The following GRID1 variants were observed in gnomAD, a reference collection of about 807,000 sequenced individuals.
The protein encoded by GRID1 is glutamate receptor ionotropic, delta-1.
Under a neutral mutation model 98.0 loss-of-function variants are expected in GRID1, and 28 were observed. That is an observed-to-expected ratio of 0.29 (90% CI 0.21 to 0.39). The LOEUF (loss-of-function observed/expected upper bound fraction) is 0.39, where lower values mean the gene tolerates loss of function less well. GRID1 is among the 10% of genes least tolerant of loss of function. The pLI is 1.00. For missense variants in GRID1, 1,111 were observed against 1,340.5 expected (o/e 0.83, Z 2.67); for synonymous variants, 553 against 538.5 (o/e 1.03, Z -0.37).
intron 2 of GRID1, among the ~76,000 whole-genome samples, chr10:86,223,464 A>G (rs1846291094): frequency 6.6e-6 from 1 of 152,212 alleles, no homozygotes; most frequent in African/African-American, 2.4e-5. Flanking sequence ...CATGGCCCCC[A>G]GCACATGCAC....
chr10:85,636,171 G>A (rs968046900), intron 13 of GRID1, among the ~76,000 whole-genome samples: 1 of 152,168 alleles, frequency 6.6e-6, no homozygotes, highest in African/African-American at 2.4e-5. Context: ...CCCAGTGGAG[G>A]AAAGGAAGAC....
chr10:86,072,784 T>G (rs867918730), intron 4 of GRID1, among the ~76,000 whole-genome samples: 7 of 152,212 alleles, frequency 4.6e-5, no homozygotes, highest in Middle Eastern at 3.2e-3. Flanking sequence ...CCTTTGCTAG[T>G]GTACAAAAAC....
At chr10:86,012,432 C>T (rs1425197935) in intron 4 of GRID1, among the ~76,000 whole-genome samples, 1 of 152,178 alleles carries the variant, frequency 6.6e-6, no homozygotes, top group East Asian at 1.9e-4. Flanking sequence ...ATGGAGAGAG[C>T]TGGCAGAGGT....
intron 2 of GRID1, among the ~76,000 whole-genome samples, chr10:86,256,347 C>G (rs1232536489): frequency 6.6e-6 from 1 of 152,176 alleles, no homozygotes; most frequent in Non-Finnish European, 1.5e-5. Context: ...CACCTGTAAT[C>G]CCAGCATTTC....
At chr10:86,228,714 T>A (rs1207448315) in intron 2 of GRID1, among the ~76,000 whole-genome samples, 1 of 146,042 alleles carries the variant, frequency 6.8e-6, no homozygotes, top group Non-Finnish European at 1.6e-5. Context: ...CAGCAGAGCT[T>A]GGAGACACCA....
At chr10:86,094,042 T>C (rs1844185154) in intron 4 of GRID1, among the ~76,000 whole-genome samples, 1 of 152,204 alleles carries the variant, frequency 6.6e-6, no homozygotes, top group Admixed American at 6.5e-5. Context: ...TGGTTTAACA[T>C]ATGCAAGTCA....
In GRID1 at chr10:85,610,351, G is replaced by T. The variant is rs545995186; in HGVS notation, c.2601+3056C>A. Among the ~76,000 whole-genome samples the T allele has an allele frequency of 9.9e-5, 15 of 152,204 alleles. 1 individual carries two copies. The South Asian group carries it at 2.9e-3, about 30-fold the overall frequency. Reference sequence around the variant, plus strand: ...CTGGCATTTAAGTCCTTCGGAGCAGGCCCCGTATCCTTCCCCAGCCTCCCC... The same window carrying T: ...CTGGCATTTAAGTCCTTCGGAGCAGTCCCCGTATCCTTCCCCAGCCTCCCC... On this transcript the variant is annotated intron_variant, in intron 15 of 15. Coordinates refer to ENST00000327946, the MANE Select transcript of GRID1 (RefSeq NM_017551.3).
chr10:86,304,088 C>G (rs1241669096), intron 2 of GRID1, among the ~76,000 whole-genome samples: 1 of 152,218 alleles, frequency 6.6e-6, no homozygotes, highest in East Asian at 1.9e-4. Flanking sequence ...GCTCTTACCC[C>G]ACTCAGAGGA....
At chr10:85,786,638 A>C (rs996792492) in intron 8 of GRID1, among the ~76,000 whole-genome samples, 9 of 152,208 alleles carry the variant, frequency 5.9e-5, no homozygotes, top group Non-Finnish European at 8.8e-5. Context: ...CAATCTCAGT[A>C]GTGCACATCC....
chr10:86,306,110 G>T (rs376656736), intron 2 of GRID1, among the ~76,000 whole-genome samples: 7 of 152,318 alleles, frequency 4.6e-5, no homozygotes, highest in African/African-American at 1.7e-4. Context: ...AGGAGGAAAA[G>T]CCTTCAGGGA....
chr10:85,673,243 G>C (rs1033183037), intron 12 of GRID1, among the ~76,000 whole-genome samples: 4 of 152,218 alleles, frequency 2.6e-5, no homozygotes, highest in African/African-American at 7.2e-5. Context: ...GATGAGCAAA[G>C]AAAGTGGCTT....
intron 6 of GRID1, among the ~76,000 whole-genome samples, chr10:85,864,475 G>T (rs187948076): frequency 6.6e-6 from 1 of 152,388 alleles, no homozygotes; most frequent in Non-Finnish European, 1.5e-5. Flanking sequence ...GCAGCCAGTT[G>T]CAGCCAAGGA....
At chr10:86,262,198 C>T (rs1483405671) in intron 2 of GRID1, among the ~76,000 whole-genome samples, 2 of 152,224 alleles carry the variant, frequency 1.3e-5, no homozygotes, top group African/African-American at 4.8e-5. Flanking sequence ...CCTCAGCAGC[C>T]TCTCGGAGCT....
chr10:86,091,521 C>T (rs573120701), intron 4 of GRID1, among the ~76,000 whole-genome samples: 53 of 152,144 alleles, frequency 3.5e-4, no homozygotes, highest in Non-Finnish European at 6.3e-4. Flanking sequence ...CGCCTAGCCC[C>T]GCCCCCACCT....
chr10:85,978,877 A>G, intron 4 of GRID1, among the ~76,000 whole-genome samples: 1 of 152,154 alleles, frequency 6.6e-6, no homozygotes, highest in East Asian at 1.9e-4. Flanking sequence ...GCTTACAGTA[A>G]CCCTCCAGAG....
intron 2 of GRID1, among the ~76,000 whole-genome samples, chr10:86,227,452 T>C (rs1325614850): frequency 6.6e-6 from 1 of 152,176 alleles, no homozygotes; most frequent in East Asian, 1.9e-4. Context: ...CCTTGCCTCT[T>C]GGGCTAACTG....
chr10:86,322,148 T>C (rs905667486), intron 2 of GRID1, among the ~76,000 whole-genome samples: 1 of 152,172 alleles, frequency 6.6e-6, no homozygotes, highest in South Asian at 2.1e-4. Context: ...AATAGCAGCA[T>C]GGAACAGATG....
intron 4 of GRID1, among the ~76,000 whole-genome samples, chr10:85,966,912 T>C (rs986790502): frequency 9.2e-5 from 14 of 152,204 alleles, no homozygotes; most frequent in African/African-American, 3.1e-4. Flanking sequence ...ATGGTTTGGC[T>C]GTGTCCCCAC....
At chr10:85,840,020 T>A (rs1842947788) in intron 8 of GRID1, among the ~76,000 whole-genome samples, 1 of 152,044 alleles carries the variant, frequency 6.6e-6, no homozygotes, top group African/African-American at 2.4e-5. Context: ...ATTGATAAAT[T>A]CGTGTCACAT....
Sources: allele counts gnomAD v4.1 joint callset (sites outside exome capture counted in the v4.1 genomes callset), GRCh38; gene constraint gnomAD v4.1.1; transcripts MANE v1.5; gene names NCBI Gene and HGNC (gene_info 2026-07-23, HGNC 2026-07-21).